Variants in NDUFA12 observed in about 807,000 individuals in gnomAD.
NDUFA12 encodes NADH dehydrogenase [ubiquinone] 1 alpha subcomplex subunit 12.
In NDUFA12, 17 loss-of-function variants were observed where a neutral mutation model predicts 20.3. That is an observed-to-expected ratio of 0.84 (90% CI 0.57 to 1.26). The LOEUF (loss-of-function observed/expected upper bound fraction) is 1.26. NDUFA12 is among the 50% of genes most tolerant of loss of function. The probability of loss-of-function intolerance (pLI) is 0.00; values close to 1 mark genes in which losing one functional copy is unlikely to be tolerated. For missense variants in NDUFA12, 191 were observed against 183.7 expected, an observed-to-expected ratio of 1.04 and a Z score of -0.23; for synonymous variants, 72 against 63.6, an observed-to-expected ratio of 1.13 and a Z score of -0.63.
chr12:94,995,587 T>C (rs564869693), intron 2 of NDUFA12, among the ~76,000 whole-genome samples: 1 of 152,330 alleles, frequency 6.6e-6, no homozygotes, highest in African/African-American at 2.4e-5. Context: ...TGGAGTGCAA[T>C]GGCGCGGCCT....
chr12:94,988,737 C>T (rs899108933), intron 3 of NDUFA12, among the ~76,000 whole-genome samples: 4 of 152,164 alleles, frequency 2.6e-5, no homozygotes, highest in East Asian at 1.9e-4. Flanking sequence ...GACTGAGACA[C>T]TTCCTGTTTA....
chr12:94,974,904 T>TA (rs1012907107), intron 3 of NDUFA12, among the ~76,000 whole-genome samples: 47 of 150,754 alleles, frequency 3.1e-4, no homozygotes, highest in Middle Eastern at 3.4e-3. Flanking sequence ...TTAATGGGTA[T>TA]AAAAAAAAAT....
chr12:94,975,123 A>G (rs1366688598), intron 3 of NDUFA12, among the ~76,000 whole-genome samples: 1 of 152,224 alleles, frequency 6.6e-6, no homozygotes, highest in Non-Finnish European at 1.5e-5. Flanking sequence ...ATCTCACCCC[A>G]TAATATATAC....
chr12:94,971,809 T>A, intron 3 of NDUFA12, 189 bp from the exon 4 acceptor site: 1 of 777,018 alleles, frequency 1.3e-6, no homozygotes, highest in Non-Finnish European at 2.3e-6. Context: ...AGGGATGGTA[T>A]AAACATAAAA....
At chr12:95,001,198 T>C (rs926966724) in intron 2 of NDUFA12, among the ~76,000 whole-genome samples, 2 of 151,948 alleles carry the variant, frequency 1.3e-5, no homozygotes, top group South Asian at 2.1e-4. Flanking sequence ...CCCAGCTACA[T>C]AGGAGGCTGA....
chr12:94,982,672 G>A (rs1359724510), intron 3 of NDUFA12, among the ~76,000 whole-genome samples: 3 of 151,976 alleles, frequency 2.0e-5, no homozygotes, highest in African/African-American at 4.8e-5. Context: ...AAAGCTTTAC[G>A]CTCCACCAGA....
intron 3 of NDUFA12, among the ~76,000 whole-genome samples, chr12:94,979,279 G>A (rs1874159124): frequency 6.6e-6 from 1 of 152,104 alleles, no homozygotes; most frequent in South Asian, 2.1e-4. Context: ...CTACCCAAAA[G>A]CAGACCCTCA....
At chr12:94,994,343 T>C (rs1236606389) in intron 2 of NDUFA12, 86 bp from the exon 3 acceptor site, 7 of 997,674 alleles carry the variant, frequency 7.0e-6, no homozygotes, top group Non-Finnish European at 9.2e-6. Context: ...ACCTTTTTAT[T>C]AAGAAAAGAC....
At chr12:94,998,019 C>T (rs1874894067) in intron 2 of NDUFA12, among the ~76,000 whole-genome samples, 1 of 152,090 alleles carries the variant, frequency 6.6e-6, no homozygotes, top group Admixed American at 6.6e-5. Flanking sequence ...AAAGAATTAG[C>T]TGTCTCAAAA....
At chr12:95,001,590 T>G (rs1478760530) in intron 2 of NDUFA12, among the ~76,000 whole-genome samples, 1 of 152,102 alleles carries the variant, frequency 6.6e-6, no homozygotes, top group Admixed American at 6.6e-5. Flanking sequence ...ATCGAGTCAC[T>G]GCACTCTAGA....
At chr12:94,984,268 C>A (rs1036742495) in intron 3 of NDUFA12, among the ~76,000 whole-genome samples, 1 of 152,006 alleles carries the variant, frequency 6.6e-6, no homozygotes, top group African/African-American at 2.4e-5. Context: ...CACTGACATT[C>A]CAATAATGAT....
chr12:94,973,002 C>T (rs573634610), intron 3 of NDUFA12, among the ~76,000 whole-genome samples: 1 of 151,498 alleles, frequency 6.6e-6, no homozygotes, highest in African/African-American at 2.4e-5. Flanking sequence ...AATGAGAAGA[C>T]AGCCACAGAA....
Position 95,003,589 on chromosome 12 carries a change from GC to G in NDUFA12, c.86+5del, listed in dbSNP as rs1173420037. On this transcript the variant is annotated splice_donor_5th_base_variant and intron_variant, in intron 1 of 3. Coordinates refer to ENST00000327772, the MANE Select transcript of NDUFA12 (RefSeq NM_018838.5). The stretch of plus-strand genomic sequence containing the variant: ...AGAGGCCAAGAGCATGGCTCTGGCC[GC>G]CTACCTGAAAAAAACCCGTAGATAG... 1 of 1,613,798 alleles carries G rather than the reference GC, an allele frequency of 6.2e-7. No individual in the cohort carries two copies. Among genetic ancestry groups the G allele is most frequent in the Admixed American group, 1.7e-5 (1 of 59,984 alleles).
At chr12:95,001,340 C>T (rs1182002761) in intron 2 of NDUFA12, among the ~76,000 whole-genome samples, 1 of 150,278 alleles carries the variant, frequency 6.7e-6, no homozygotes, top group African/African-American at 2.5e-5. Flanking sequence ...AATGCTGTGG[C>T]CAGGCACAGT....
At chr12:94,984,471 G>T (rs1393755458) in intron 3 of NDUFA12, among the ~76,000 whole-genome samples, 1 of 151,798 alleles carries the variant, frequency 6.6e-6, no homozygotes, top group African/African-American at 2.4e-5. Flanking sequence ...GGAGGTTGCG[G>T]TTGAGCTGAG....
At chr12:94,979,673 A>AT (rs1874174894) in intron 3 of NDUFA12, among the ~76,000 whole-genome samples, 2 of 151,766 alleles carry the variant, frequency 1.3e-5, no homozygotes, top group Admixed American at 6.6e-5. Context: ...CCTATAAAAA[A>AT]AAAAATACAA....
intron 2 of NDUFA12, among the ~76,000 whole-genome samples, chr12:95,001,999 A>G (rs988586320): frequency 2.7e-5 from 4 of 149,202 alleles, no homozygotes; most frequent in South Asian, 4.4e-4. Flanking sequence ...CACCGCGCCC[A>G]GCCGAATTAA....
intron 3 of NDUFA12, among the ~76,000 whole-genome samples, chr12:94,974,175 T>C (rs1873986165): frequency 1.3e-5 from 2 of 152,084 alleles, no homozygotes; most frequent in African/African-American, 4.8e-5. Context: ...TTTCACCATG[T>C]TGTCCAGGCT....
chr12:94,973,676 C>T (rs1011231962), intron 3 of NDUFA12, among the ~76,000 whole-genome samples: 2 of 151,974 alleles, frequency 1.3e-5, no homozygotes, highest in Non-Finnish European at 2.9e-5. Context: ...GTGAAGAGCT[C>T]ATGGAGAAAT....
Sources: allele counts gnomAD v4.1 joint callset (sites outside exome capture counted in the v4.1 genomes callset), GRCh38; gene constraint gnomAD v4.1.1; transcripts MANE v1.5; gene names NCBI Gene and HGNC (gene_info 2026-07-23, HGNC 2026-07-21).